Variants in COL18A1 observed in about 807,000 individuals in gnomAD.
The protein encoded by COL18A1 is collagen type XVIII alpha 1 chain.
A neutral mutation model predicts 168.0 loss-of-function variants in COL18A1; 133 were observed. That is an observed-to-expected ratio of 0.79 (90% confidence interval 0.69 to 0.91). The LOEUF (loss-of-function observed/expected upper bound fraction) is 0.91. Ranked by LOEUF, COL18A1 falls within the 40% of genes least tolerant of loss-of-function variation. COL18A1 has a pLI of 0.00. For synonymous variants in COL18A1, 949 were observed against 809.0 expected, an observed-to-expected ratio of 1.17 and a Z score of -2.94; for missense variants, 2,126 against 1,925.4, an observed-to-expected ratio of 1.10 and a Z score of -1.95.
chr21:45,430,059 T>TGTGCTGTGTCC, intron 2 of COL18A1, among the ~76,000 whole-genome samples: 1 of 122,542 alleles, frequency 8.2e-6, no homozygotes. Context: ...CTCTCCAGCA[T>TGTGCTGTGTCC]GTGAAGTGGG....
At position 45,478,111 on chromosome 21, in the gene COL18A1, G is replaced by C. The variant is rs1482481033; in HGVS notation, c.1221+146G>C. 3 of 750,128 alleles carry C rather than the reference G, an allele frequency of 4.0e-6. No individual in the cohort carries two copies. In the African/African-American group the frequency reaches 5.2e-5, roughly 13 times the overall value. 46.5% of individuals were successfully genotyped at this position (750,128 alleles called of 1,614,324 possible). On this transcript the variant is annotated intron_variant, in intron 8 of 41. Coordinates refer to ENST00000651438, the MANE Select transcript of COL18A1 (RefSeq NM_001379500.1). ...CTCCTTAGGCCCACCGTTGCTCGGG[G>C]TTGGTGCTGGAAGGTGGTCAGACGT...
chr21:45,455,732 A>C, intron 2 of COL18A1: 1 of 1,613,734 alleles, frequency 6.2e-7, no homozygotes, highest in Non-Finnish European at 8.5e-7. Flanking sequence ...GACCCCCCGG[A>C]ATGGTTCCAC....
intron 2 of COL18A1, among the ~76,000 whole-genome samples, chr21:45,466,569 T>C (rs1383989467): frequency 2.0e-5 from 3 of 152,202 alleles, no homozygotes; most frequent in Non-Finnish European, 2.9e-5. Flanking sequence ...GCTGGGCCTG[T>C]ACCTCGGGGA....
rs759614387 is a variant in COL18A1 at position 45,456,602 on chromosome 21, C to G, written c.107-11640C>G. The G allele has an allele frequency of 1.7e-5, 26 of 1,541,322 alleles. No individual in the cohort carries two copies. The African/African-American group carries it at 3.6e-4, about 21-fold the overall frequency. On this transcript the variant is annotated intron_variant, in intron 2 of 41. Coordinates refer to ENST00000651438, the MANE Select transcript of COL18A1 (RefSeq NM_001379500.1). ...CTCACGCTTCTGGCTGCCCAACCAC[C>G]TCCACCACGAGAGCGGCGAGCAGGT...
intron 2 of COL18A1, among the ~76,000 whole-genome samples, chr21:45,413,693 G>A (rs2041031202): frequency 1.3e-5 from 2 of 152,204 alleles, no homozygotes; most frequent in Admixed American, 1.3e-4. Flanking sequence ...GCTAACCTTG[G>A]GGTCCCTCTG....
intron 32 of COL18A1, 75 bp from the exon 33 acceptor site, chr21:45,503,936 T>C: frequency 1.9e-6 from 3 of 1,556,646 alleles, no homozygotes; most frequent in Non-Finnish European, 2.7e-6. Flanking sequence ...AACCCACCAG[T>C]GCTGGGGGCT....
chr21:45,488,649 A>G (rs147287359), intron 18 of COL18A1, among the ~76,000 whole-genome samples: 313 of 152,256 alleles, frequency 2.1e-3, no homozygotes, highest in African/African-American at 6.7e-3. Context: ...TCCAGCGTTA[A>G]GGGGCCATTG....
intron 2 of COL18A1, among the ~76,000 whole-genome samples, chr21:45,430,532 G>A (rs2033926487): frequency 6.6e-6 from 1 of 152,136 alleles, no homozygotes; most frequent in Non-Finnish European, 1.5e-5. Context: ...GCTGAGGAGG[G>A]ACCGGGTGGG....
At position 45,477,912 on chromosome 21, in the gene COL18A1, G is replaced by A. The variant is rs1228725408; in HGVS notation, c.1168G>A (p.Gly390Arg). Residue 390 changes from glycine (G) to arginine (R), a missense_variant, in exon 8 of 42, where the codon GGA becomes AGA. Gly to Arg is a moderately radical substitution (Grantham distance 125). Transcript: ENST00000651438. ...GTTGCAAACTGTCCCCGGACCACAA[G>A]GACCCCCAGGGCCTCCGGGGAGGGA... is the stretch of plus-strand genomic sequence containing the variant. ...PALQTVPGPQ[G>R]PPGPPGRDGT... 6.4e-7 allele frequency: 1 copy of A among 1,566,018 alleles called. No individual in the cohort carries two copies. Among genetic ancestry groups the A allele is most frequent in the Non-Finnish European group, 8.7e-7 (1 of 1,155,450 alleles).
chr21:45,495,786 T>G, intron 29 of COL18A1: 1 of 353,212 alleles, frequency 2.8e-6, no homozygotes, highest in Non-Finnish European at 5.5e-6. Flanking sequence ...GGTGCACATA[T>G]ACACATGTAT....
At position 45,493,050 on chromosome 21, in the gene COL18A1, G is replaced by A. The variant is rs560168350; in HGVS notation, c.2215-113G>A. ...GCTGGGGCCGCGAGGGGCCCTGGTC[G>A]GGCTGTCGAGGCAGGCATATTGCGG... On this transcript the variant is annotated intron_variant, in intron 24 of 41. Coordinates refer to ENST00000651438, the MANE Select transcript of COL18A1 (RefSeq NM_001379500.1). The A allele has an allele frequency of 3.6e-3, 3,974 of 1,115,950 alleles. 113 individuals are homozygous for A. Among genetic ancestry groups the A allele is most frequent in the Non-Finnish European group, 6.0e-4 (451 of 753,092 alleles). 69.1% of individuals were successfully genotyped at this position (1,115,950 alleles called of 1,614,324 possible).
intron 15 of COL18A1, among the ~76,000 whole-genome samples, chr21:45,483,465 C>T (rs920401059): frequency 6.6e-6 from 1 of 152,098 alleles, no homozygotes; most frequent in African/African-American, 2.4e-5. Flanking sequence ...TATCTGACAC[C>T]CCCCCAACGA....
intron 16 of COL18A1, 46 bp from the exon 17 acceptor site, chr21:45,487,401 C>A: frequency 6.2e-7 from 1 of 1,606,928 alleles, no homozygotes; most frequent in South Asian, 1.1e-5. Context: ...GGGTCCTTCC[C>A]TAAGAAGGGA....
chr21:45,421,214 GC>G, intron 2 of COL18A1: 1 of 356,940 alleles, frequency 2.8e-6, no homozygotes, highest in Non-Finnish European at 5.5e-6. Flanking sequence ...CGGCTTTGCC[GC>G]CCCCACCCCC....
chr21:45,503,804 TAAAAA>T (rs1188411214), intron 32 of COL18A1: 1 of 321,990 alleles, frequency 3.1e-6, no homozygotes, highest in Non-Finnish European at 5.5e-6. Context: ...TTAAAAAATT[TAAAAA>T]TAAAATAAAA....
intron 2 of COL18A1, chr21:45,456,989 A>G: frequency 1.1e-6 from 1 of 907,748 alleles, no homozygotes; most frequent in Non-Finnish European, 1.5e-6. Context: ...TCGAATCTCT[A>G]CGTTCAGGGG....
intron 38 of COL18A1, 41 bp from the exon 39 acceptor site, chr21:45,509,315 A>AGCCG (rs1442190814): frequency 6.5e-7 from 1 of 1,536,656 alleles, no homozygotes; most frequent in Admixed American, 2.0e-5. Context: ...GGGCACCCGG[A>AGCCG]GGGTCCCCCC....
In COL18A1 at chr21:45,480,060, G is replaced by A. The variant is rs888876146; in HGVS notation, c.1312-10G>A. On this transcript the variant is annotated splice_polypyrimidine_tract_variant and intron_variant, in intron 10 of 41. Transcript: ENST00000651438. ...GCCCAGGGTATGATAGGCTTGTCTT[G>A]TGTTCCCAGGGAGACCCTGGGGTTG... is the stretch of plus-strand genomic sequence containing the variant. The A allele has an allele frequency of 2.5e-5, 40 of 1,611,612 alleles. No homozygotes were observed. The highest frequency in any genetic ancestry group is 3.1e-5 in the Non-Finnish European group (37 of 1,178,156).
chr21:45,476,607 T>C, intron 6 of COL18A1, 127 bp downstream of exon 6: 1 of 1,198,466 alleles, frequency 8.3e-7, no homozygotes, highest in South Asian at 1.3e-5. Context: ...ATATGGTACA[T>C]GTGTGTGTGA....
Sources: gnomAD v4.1 joint callset for allele counts (sites outside exome capture counted in the v4.1 genomes callset) on GRCh38, gnomAD v4.1.1 for gene constraint, MANE v1.5 for transcripts, NCBI Gene and HGNC (gene_info 2026-07-23, HGNC 2026-07-21) for gene names.